MYB: variants seen among roughly 807,000 people sequenced by gnomAD.
MYB encodes transcriptional activator Myb.
A neutral mutation model predicts 92.9 loss-of-function variants in MYB; 28 were observed. The ratio of observed to expected loss-of-function variants is 0.30; its 90% CI spans 0.22 to 0.41. MYB has a LOEUF of 0.41. MYB is among the 10% of genes least tolerant of loss of function. The probability of loss-of-function intolerance (pLI) is 1.00; values close to 1 mark genes in which losing one functional copy is unlikely to be tolerated. For missense variants in MYB, 679 were observed against 929.3 expected (o/e 0.73, Z 3.50); for synonymous variants, 295 against 329.1 (o/e 0.90, Z 1.12).
At chr6:135,200,995 T>A (rs1316231478) in intron 13 of MYB, among the ~76,000 whole-genome samples, 1 of 151,962 alleles carries the variant, frequency 6.6e-6, no homozygotes, top group East Asian at 1.9e-4. Flanking sequence ...AGGATTATGG[T>A]GTGAACCCGG....
At chr6:135,209,703 A>G (rs976001525) in intron 15 of MYB, among the ~76,000 whole-genome samples, 1 of 152,200 alleles carries the variant, frequency 6.6e-6, no homozygotes, top group Non-Finnish European at 1.5e-5. Flanking sequence ...ACATAATCTT[A>G]TAATTGTTAT....
intron 2 of MYB, among the ~76,000 whole-genome samples, chr6:135,186,904 A>T (rs1329707200): frequency 2.0e-5 from 3 of 152,204 alleles, no homozygotes; most frequent in Admixed American, 2.0e-4. Context: ...CTTCAGTTTC[A>T]CTGTTCTCTG....
rs1267041902 is a variant in MYB at position 135,182,511 on chromosome 6, C to G, written c.23+975C>G. Among the ~76,000 whole-genome samples the G allele has an allele frequency of 2.6e-5, 4 of 152,222 alleles. No homozygotes were observed. Among genetic ancestry groups the G allele is most frequent in the African/African-American group, 7.2e-5 (3 of 41,474 alleles). ...CGCTGCCGCGCAACCGGGACGCGAT[C>G]CCCGCGGGCTCTGCCCCCAGGCGAA... On this transcript the variant is annotated intron_variant, in intron 1 of 15. Transcript: ENST00000341911. This position sits in a 1 kb window ranked among gnomAD's most constrained non-coding sequence, Gnocchi z 5.6.
Position 135,181,636 on chromosome 6 carries a change from TGAGGGGCTGTCA to T in MYB, c.23+103_23+114del, listed in dbSNP as rs1775050974. On this transcript the variant is annotated intron_variant, in intron 1 of 15. Coordinates refer to ENST00000341911, the MANE Select transcript of MYB (RefSeq NM_001130173.2). This position sits in a 1 kb window ranked among gnomAD's most constrained non-coding sequence, Gnocchi z 5.3. ...GGTGGGAATTCGTTCCGGGATCATC[TGAGGGGCTGTCA>T]GACCCTCCGAGGACCTGGAGCCCCT... 1 of 887,444 alleles carries T rather than the reference TGAGGGGCTGTCA, an allele frequency of 1.1e-6. No homozygotes were observed. The highest frequency in any genetic ancestry group is 4.6e-5 in the East Asian group (1 of 21,538). The allele number at this position is 887,444 out of a possible 1,614,324, so 55.0% of individuals were successfully genotyped here. A position where few individuals can be genotyped will look rare whatever the true frequency, so the allele number is the denominator to read the frequency against.
chr6:135,206,221 AAAAAAATAAT>A (rs1417465978), intron 15 of MYB, among the ~76,000 whole-genome samples: 4 of 143,884 alleles, frequency 2.8e-5, no homozygotes, highest in African/African-American at 7.7e-5. Flanking sequence ...AAAAAAAAAA[AAAAAAATAAT>A]AATAATAATA....
intron 15 of MYB, chr6:135,203,934 A>G: frequency 9.0e-7 from 1 of 1,107,266 alleles, no homozygotes; most frequent in South Asian, 2.0e-5. Flanking sequence ...AACCAATTCC[A>G]AATTAATCCT....
rs146906943 is a variant in MYB, at chr6:135,196,765, C to A, written c.1204-196C>A. 957 of 1,530,008 alleles carry A rather than the reference C, an allele frequency of 6.3e-4. 8 individuals carry two copies. In the African/African-American group the frequency reaches 0.012, roughly 19 times the overall value. The allele number at this position is 1,530,008 out of a possible 1,614,324, so 94.8% of individuals were successfully genotyped here. A position where few individuals can be genotyped will look rare whatever the true frequency, so the allele number is the denominator to read the frequency against. On this transcript the variant is annotated intron_variant, in intron 9 of 15. Transcript: ENST00000341911. ...GAGGTCCCTGCAGCACATCAGAGGG[C>A]CAGCCTTGAGGCAGCCCACTAGACC...
At chr6:135,196,180 C>A (rs1777275656) in intron 9 of MYB, among the ~76,000 whole-genome samples, 178 bp downstream of exon 9, 1 of 151,884 alleles carries the variant, frequency 6.6e-6, no homozygotes, top group South Asian at 2.1e-4. Context: ...TCATAGCCTA[C>A]CGAGAGAGAC....
At chr6:135,205,744 T>TAA (rs1778777017) in intron 15 of MYB, among the ~76,000 whole-genome samples, 1 of 152,220 alleles carries the variant, frequency 6.6e-6, no homozygotes, top group African/African-American at 2.4e-5. Context: ...CCATATAGTT[T>TAA]ACTGGTTTAC....
chr6:135,218,915 TTTG>T lies in MYB; in HGVS notation c.*938_*940del. 4.4e-6 allele frequency: 1 copy of T among 229,266 alleles called. No homozygotes were observed. Among genetic ancestry groups the T allele is most frequent in the Non-Finnish European group, 8.7e-6 (1 of 115,186 alleles). The allele number at this position is 229,266 out of a possible 1,614,324, so 14.2% of individuals were successfully genotyped here. A position where few individuals can be genotyped will look rare whatever the true frequency, so the allele number is the denominator to read the frequency against. ...GATGTGTGTTGTTGATGTTCTATGT[TTTG>T]TTTTGAGTGTAGCCTGACTGTTTTA... On this transcript the variant is annotated 3_prime_UTR_variant, in exon 16 of 16. Coordinates refer to ENST00000341911, the MANE Select transcript of MYB (RefSeq NM_001130173.2).
At chr6:135,215,467 G>A (rs1167369019) in intron 15 of MYB, among the ~76,000 whole-genome samples, 5 of 152,114 alleles carry the variant, frequency 3.3e-5, no homozygotes, top group Admixed American at 2.6e-4. Context: ...TGAGTATGGC[G>A]CCTAAATCCT....
At chr6:135,195,482 C>G in intron 8 of MYB, 1 of 456,670 alleles carries the variant, frequency 2.2e-6, no homozygotes, top group East Asian at 3.4e-5. Flanking sequence ...AATTATACTT[C>G]GAAATATAGA....
chr6:135,192,174 A>C (rs1776716264), intron 5 of MYB, 150 bp from the exon 6 acceptor site: 2 of 642,660 alleles, frequency 3.1e-6, no homozygotes, highest in Admixed American at 5.5e-5. Flanking sequence ...GCCTGATCTC[A>C]GAGGGTGGAG....
rs2128292533 is a variant in MYB at position 135,192,563 on chromosome 6, G to GC, written c.762+7dup. 1.2e-6 allele frequency: 2 copies of GC among 1,611,922 alleles called. No homozygotes were observed. Among genetic ancestry groups the GC allele is most frequent in the East Asian group, 4.5e-5 (2 of 44,886 alleles). ...CACATTTCTGAAGCACAAAATGTAA[G>GC]CCATTCCTGTGAATCTAGTTTAATG... On this transcript the variant is annotated splice_donor_region_variant and intron_variant, in intron 6 of 15. Coordinates refer to ENST00000341911, the MANE Select transcript of MYB (RefSeq NM_001130173.2).
intron 2 of MYB, among the ~76,000 whole-genome samples, chr6:135,187,319 A>G (rs1284598894): frequency 1.3e-5 from 2 of 152,228 alleles, no homozygotes; most frequent in African/African-American, 4.8e-5. Context: ...AAGTTAAACT[A>G]ACTGGAAATA....
rs140924606 is a variant in MYB at position 135,192,619 on chromosome 6, A to G, written c.762+61A>G. ...GACGGTTAGTTTAGCTCCAGGTAAT[A>G]ATCATACTTTGCAGTTGTATACTTT... On this transcript the variant is annotated intron_variant, in intron 6 of 15. Coordinates refer to ENST00000341911, the MANE Select transcript of MYB (RefSeq NM_001130173.2). 3.3e-6 allele frequency: 5 copies of G among 1,493,514 alleles called. No homozygotes were observed. The African/African-American group carries it at 6.9e-5, about 21-fold the overall frequency. The allele number at this position is 1,493,514 out of a possible 1,614,324, so 92.5% of individuals were successfully genotyped here.
At chr6:135,206,280 C>T (rs896256750) in intron 15 of MYB, among the ~76,000 whole-genome samples, 8 of 150,230 alleles carry the variant, frequency 5.3e-5, no homozygotes, top group Non-Finnish European at 1.2e-4. Context: ...TACCTGTAAT[C>T]CTAGCTACTT....
chr6:135,186,833 T>G (rs1405210286), intron 2 of MYB, among the ~76,000 whole-genome samples: 1 of 152,246 alleles, frequency 6.6e-6, no homozygotes, highest in East Asian at 1.9e-4. Context: ...TCTCTAATGT[T>G]CTTAAAATTT....
chr6:135,192,014 C>T (rs571725034), intron 5 of MYB, among the ~76,000 whole-genome samples: 8 of 152,194 alleles, frequency 5.3e-5, no homozygotes, highest in African/African-American at 1.4e-4. Flanking sequence ...TCTTGTACCG[C>T]GACCGGTCAG....
Sources: allele counts gnomAD v4.1 joint callset (sites outside exome capture counted in the v4.1 genomes callset), GRCh38; gene constraint gnomAD v4.1.1; non-coding constraint Gnocchi (gnomAD v3.1); transcripts MANE v1.5; gene names NCBI Gene and HGNC (gene_info 2026-07-23, HGNC 2026-07-21).